NEB: variants seen among roughly 807,000 people sequenced by gnomAD.
NEB encodes nemaline myopathy type 2.
Under a neutral mutation model 952.2 loss-of-function variants are expected in NEB, and 512 were observed. The ratio of observed to expected loss-of-function variants is 0.54; its 90% CI spans 0.50 to 0.58. NEB has a LOEUF of 0.58. NEB is among the 20% of genes least tolerant of loss of function. The pLI is 0.00. For synonymous variants in NEB, 2,900 were observed against 3,149.8 expected, an observed-to-expected ratio of 0.92 and a Z score of 2.66; for missense variants, 8,428 against 9,231.1, an observed-to-expected ratio of 0.91 and a Z score of 3.56.
At chr2:151,628,578 T>C (rs985768860) in intron 68 of NEB, among the ~76,000 whole-genome samples, 1 of 152,200 alleles carries the variant, frequency 6.6e-6, no homozygotes, top group Non-Finnish European at 1.5e-5. Context: ...TAGTGGCTTA[T>C]GCCTGTAATC....
chr2:151,626,737 C>A (rs889646477), intron 70 of NEB, among the ~76,000 whole-genome samples: 4 of 152,160 alleles, frequency 2.6e-5, no homozygotes, highest in African/African-American at 9.6e-5. Context: ...AGGGTTTCAC[C>A]GTGGTCTCGA....
intron 162 of NEB, 92 bp downstream of exon 162, chr2:151,507,913 C>T (rs928530938): frequency 2.3e-6 from 2 of 855,316 alleles, no homozygotes; most frequent in Non-Finnish European, 3.9e-6. Context: ...GGCTGCACAA[C>T]AGCCCCACTG....
At chr2:151,538,027 A>T in intron 139 of NEB, 51 bp from the exon 140 acceptor site, 1 of 1,540,156 alleles carries the variant, frequency 6.5e-7, no homozygotes, top group Non-Finnish European at 9.0e-7. Context: ...AAGTTAATGT[A>T]AATATGGCTT....
intron 161 of NEB, among the ~76,000 whole-genome samples, chr2:151,510,635 ATTG>A (rs746885793): frequency 5.9e-5 from 9 of 152,174 alleles, no homozygotes; most frequent in Non-Finnish European, 1.3e-4. Context: ...ATTACAGTAT[ATTG>A]TTATAATTGT....
At chr2:151,534,099 A>T in intron 142 of NEB, 1 of 776,182 alleles carries the variant, frequency 1.3e-6, no homozygotes, top group Non-Finnish European at 2.1e-6. Context: ...TTTGAAACAG[A>T]ACAACCCAAT....
chr2:151,631,753 T>C lies in NEB; in HGVS notation c.9415-407A>G, dbSNP rs866845349. On this transcript the variant is annotated intron_variant, in intron 65 of 181. Coordinates refer to ENST00000397345, the MANE Select transcript of NEB (RefSeq NM_001164508.2). ...TCTGAAGCCATTAAAAGCTTCACTG[T>C]TGAAGAATATTTATGACATGTAGAA... Among the ~76,000 whole-genome samples the C allele has an allele frequency of 1.1e-4, 16 of 152,336 alleles. 1 individual carries two copies. The Middle Eastern group carries it at 0.024, about 227-fold the overall frequency.
chr2:151,579,080 CAAAA>C (rs1159995102), intron 105 of NEB, among the ~76,000 whole-genome samples: 1 of 31,690 alleles, frequency 3.2e-5, no homozygotes, highest in Non-Finnish European at 5.5e-5. Flanking sequence ...GACTCCATCT[CAAAA>C]AAAAAAAAAA....
At position 151,662,209 on chromosome 2, in the gene NEB, T is replaced by G; in HGVS notation, c.5896A>C (p.Thr1966Pro). ...TCCATGAGTGTGGAATACTTCAAAGTGTCTGGGTGCTGGCGGTACTTCTTT... is the reference window on the plus strand; with the variant it reads ...TCCATGAGTGTGGAATACTTCAAAGGGTCTGGGTGCTGGCGGTACTTCTTT... ...SEKKYRQHPD[T>P]LKYSTLMDSM... is the part of the protein sequence containing the mutation. Residue 1966 changes from threonine to proline, a missense_variant, in exon 46 of 182, where the codon ACT becomes CCT. Thr to Pro is a conservative substitution (Grantham distance 38, BLOSUM62 -1). Transcript: ENST00000397345. 1 of 1,613,668 alleles carries G rather than the reference T, an allele frequency of 6.2e-7. No individual in the cohort carries two copies. The highest frequency in any genetic ancestry group is 8.5e-7 in the Non-Finnish European group (1 of 1,179,684).
rs1328160443 is a variant in NEB, at chr2:151,733,111, TA to T, written c.36+9del. On this transcript the variant is annotated intron_variant, in intron 3 of 181. Coordinates refer to ENST00000397345, the MANE Select transcript of NEB (RefSeq NM_001164508.2). ...TAGTTTGCTGTCAGTGTTTTTTTTT[TA>T]AATCTTACCTCCACCACCTCCTCAT... 1.3e-6 allele frequency: 2 copies of T among 1,598,078 alleles called. No individual in the cohort carries two copies. Among genetic ancestry groups the T allele is most frequent in the Non-Finnish European group, 1.7e-6 (2 of 1,172,288 alleles).
At chr2:151,684,708 A>T in intron 28 of NEB, 70 bp downstream of exon 28, 1 of 1,380,300 alleles carries the variant, frequency 7.2e-7, no homozygotes, top group Non-Finnish European at 9.7e-7. Flanking sequence ...CAAAAACCTC[A>T]CTCAACTTCA....
rs1443738549 is a variant in NEB at position 151,562,610 on chromosome 2, C to T, written c.18891+1G>A. The T allele has an allele frequency of 3.2e-6, 5 of 1,565,686 alleles. No homozygotes were observed. Among genetic ancestry groups the T allele is most frequent in the Non-Finnish European group, 4.4e-6 (5 of 1,147,738 alleles). The stretch of plus-strand genomic sequence containing the variant: ...GTCAAGCTGCAGAAGGGACATCATA[C>T]ATCACTCAAGATCTCCTGGGCGTTT... On this transcript the variant is annotated splice_donor_variant, in intron 120 of 181. Coordinates refer to ENST00000397345, the MANE Select transcript of NEB (RefSeq NM_001164508.2). LOFTEE classifies it high-confidence loss of function.
At chr2:151,611,542 T>C (rs2097961651) in intron 78 of NEB, among the ~76,000 whole-genome samples, 1 of 152,228 alleles carries the variant, frequency 6.6e-6, no homozygotes, top group South Asian at 2.1e-4. Flanking sequence ...GCCTAATGAT[T>C]GGAAGGCTTC....
intron 9 of NEB, among the ~76,000 whole-genome samples, chr2:151,717,876 C>T (rs1422744844): frequency 5.2e-4 from 62 of 119,782 alleles, no homozygotes; most frequent in African/African-American, 7.4e-4. Context: ...TTTTTTGAGA[C>T]GGAGTCTCAC....
At position 151,533,448 on chromosome 2, in the gene NEB, C is replaced by T. The variant is rs1343837039; in HGVS notation, c.21411G>A (p.Trp7137Ter). The T allele has an allele frequency of 6.5e-7, 1 of 1,548,964 alleles. No homozygotes were observed. The highest frequency in any genetic ancestry group is 2.0e-5 in the Admixed American group (1 of 51,006). ...MLTALYNSHM[W>*]SQIKYRKNYE... ...ACATCCCATCAGACATTACCTGGCTCCACATATGCGAATTGTAGAGAGCAG... is the reference window on the plus strand; with the variant it reads ...ACATCCCATCAGACATTACCTGGCTTCACATATGCGAATTGTAGAGAGCAG... Residue 7137 changes from tryptophan to a stop codon, truncating the protein, a stop_gained, in exon 143 of 182, where the codon TGG becomes TGA. Coordinates refer to ENST00000397345, the MANE Select transcript of NEB (RefSeq NM_001164508.2). LOFTEE classifies it high-confidence loss of function.
chr2:151,553,563 A>G (rs964007521), intron 126 of NEB, 61 bp from the exon 127 acceptor site: 1 of 1,184,926 alleles, frequency 8.4e-7, no homozygotes, highest in Non-Finnish European at 1.2e-6. Context: ...CTTTAACACT[A>G]AAAACAGAGG....
At chr2:151,696,193 A>C (rs1027730156) in intron 17 of NEB, among the ~76,000 whole-genome samples, 5 of 152,234 alleles carry the variant, frequency 3.3e-5, no homozygotes, top group African/African-American at 1.2e-4. Context: ...CAATTTCCAG[A>C]AACTTACTAG....
chr2:151,665,637 TGGGAG>T (rs1195948586), intron 41 of NEB, 98 bp from the exon 42 acceptor site: 2 of 1,050,896 alleles, frequency 1.9e-6, no homozygotes, highest in East Asian at 5.2e-5. Context: ...AAAGAGAAGC[TGGGAG>T]GGGGAGAATA....
Position 151,696,700 on chromosome 2 carries a change from G to A in NEB, c.1506C>T (p.Phe502=). Residue 502 remains phenylalanine, a synonymous_variant, in exon 17 of 182, where the codon TTC becomes TTT. Coordinates refer to ENST00000397345, the MANE Select transcript of NEB (RefSeq NM_001164508.2). ...GAACAGGAGAGTCTGTAACTTGGGT[G>A]AATTTTGTCTTATCTGGATGGACTT... ...TYKVHPDKTK[F]TQVTDSPVLL... The A allele has an allele frequency of 6.2e-7, 1 of 1,613,882 alleles. No homozygotes were observed. Among genetic ancestry groups the A allele is most frequent in the Non-Finnish European group, 8.5e-7 (1 of 1,179,806 alleles).
At position 151,528,775 on chromosome 2, in the gene NEB, C is replaced by G. The variant is rs188790192; in HGVS notation, c.21735+435G>C. 1.8e-3 allele frequency among the ~76,000 whole-genome samples: 268 copies of G among 152,296 alleles called. 2 individuals carry two copies. The South Asian group carries it at 0.03, about 17-fold the overall frequency. On this transcript the variant is annotated intron_variant, in intron 146 of 181. Coordinates refer to ENST00000397345, the MANE Select transcript of NEB (RefSeq NM_001164508.2). The stretch of plus-strand genomic sequence containing the variant: ...AGAGTCAACGCAGGGAATATCTGAG[C>G]AGGAAGAAGGTCTAGGCCAATGCCT...
Sources: allele counts gnomAD v4.1 joint callset (sites outside exome capture counted in the v4.1 genomes callset), GRCh38; gene constraint gnomAD v4.1.1; transcripts MANE v1.5; gene names NCBI Gene and HGNC (gene_info 2026-07-23, HGNC 2026-07-21).